The following CASZ1 variants were observed in gnomAD, a reference collection of about 807,000 sequenced individuals.
The protein encoded by CASZ1 is zinc finger protein castor homolog 1.
Under a neutral mutation model 135.2 loss-of-function variants are expected in CASZ1, and 28 were observed. The ratio of observed to expected loss-of-function variants is 0.21; its 90% CI spans 0.15 to 0.28. The LOEUF (loss-of-function observed/expected upper bound fraction) is 0.28, where lower values mean the gene tolerates loss of function less well. Ranked by LOEUF, CASZ1 falls within the 10% of genes least tolerant of loss-of-function variation. The probability of loss-of-function intolerance (pLI) is 1.00; values close to 1 mark genes in which losing one functional copy is unlikely to be tolerated. For missense variants in CASZ1, 2,161 were observed against 2,453.3 expected, an observed-to-expected ratio of 0.88 and a Z score of 2.52; for synonymous variants, 1,068 against 1,073.4, an observed-to-expected ratio of 0.99 and a Z score of 0.10.
Position 10,658,488 on chromosome 1 carries a change from G to C in CASZ1, c.1409+20C>G. On this transcript the variant is annotated intron_variant, in intron 7 of 20. Coordinates refer to ENST00000377022, the MANE Select transcript of CASZ1 (RefSeq NM_001079843.3). ...GCCCCCCACCTTCTCTCCACGGCAG[G>C]CTCCTCCCCAGGGGCCTACCTGGCA... 1 of 1,606,466 alleles carries C rather than the reference G, an allele frequency of 6.2e-7. No homozygotes were observed. Among genetic ancestry groups the C allele is most frequent in the Non-Finnish European group, 8.5e-7 (1 of 1,173,502 alleles).
intron 2 of CASZ1, among the ~76,000 whole-genome samples, chr1:10,742,127 A>G (rs1217515509): frequency 6.6e-6 from 1 of 152,168 alleles, no homozygotes; most frequent in African/African-American, 2.4e-5. Context: ...CCAAACAGAC[A>G]GAAGCATTGA....
In CASZ1 at chr1:10,642,923, A is replaced by C; in HGVS notation, c.4098T>G (p.Ser1366=). ...AGCTCCGGTCCATGGTGGATGACTC[A>C]GAGGACATGGCGCCTGGGCTGCAGC... ...YTGCSPGAMS[S]ESSTMDRSCS... The change falls in exon 20 of 21, where the codon TCT becomes TCG. Residue 1366 remains serine, a synonymous_variant. Transcript: ENST00000377022. 1 of 1,613,050 alleles carries C rather than the reference A, an allele frequency of 6.2e-7. No individual in the cohort carries two copies. Among genetic ancestry groups the C allele is most frequent in the Non-Finnish European group, 8.5e-7 (1 of 1,179,986 alleles).
At chr1:10,661,598 C>T (rs569279875) in intron 5 of CASZ1, among the ~76,000 whole-genome samples, 6 of 145,780 alleles carry the variant, frequency 4.1e-5, no homozygotes, top group East Asian at 4.1e-4. Flanking sequence ...ACACCCAACA[C>T]GGTCACATTC....
intron 4 of CASZ1, among the ~76,000 whole-genome samples, chr1:10,689,436 G>A (rs1033716068): frequency 2.0e-5 from 3 of 152,198 alleles, no homozygotes; most frequent in Admixed American, 6.5e-5. Flanking sequence ...CAGTAGTACC[G>A]ACAAGGCCAG....
chr1:10,734,022 C>A (rs1330754842), intron 2 of CASZ1, among the ~76,000 whole-genome samples: 1 of 152,204 alleles, frequency 6.6e-6, no homozygotes, highest in Non-Finnish European at 1.5e-5. Context: ...CTGGCCAGGC[C>A]CCCAGGCCGA....
chr1:10,729,400 A>G (rs1464543479), intron 2 of CASZ1, among the ~76,000 whole-genome samples: 1 of 136,516 alleles, frequency 7.3e-6, no homozygotes, highest in African/African-American at 2.7e-5. Flanking sequence ...CGGCCACCCC[A>G]TGAGAACTCC....
Position 10,660,332 on chromosome 1 carries a change from G to T in CASZ1, c.710C>A (p.Ser237Tyr), listed in dbSNP as rs763895104. Residue 237 changes from serine to tyrosine, a missense_variant, in exon 6 of 21, where the codon TCT (serine) becomes TAT (tyrosine). Physicochemically the swap from Ser to Tyr is moderately radical, Grantham distance 144. Around this residue, in one of 7 missense-constraint regions of CASZ1, gnomAD observed 590 missense variants for 609.8 expected, o/e 0.97. Coordinates refer to ENST00000377022, the MANE Select transcript of CASZ1 (RefSeq NM_001079843.3). The stretch of plus-strand genomic sequence containing the variant: ...CTTGCGGATGTACTCCTCATACTTA[G>T]AGAACCGCGCCCGCTTGCTGAGGGT... ...EDTLSKRARFSKYEEYIRKLK... is the reference protein window; with the variant it reads ...EDTLSKRARFYKYEEYIRKLK... 5.1e-5 allele frequency: 83 copies of T among 1,614,040 alleles called. No individual in the cohort carries two copies. Among genetic ancestry groups the T allele is most frequent in the Non-Finnish European group, 6.9e-5 (81 of 1,180,040 alleles).
At chr1:10,763,085 G>A (rs1640409337) in intron 1 of CASZ1, among the ~76,000 whole-genome samples, 1 of 152,212 alleles carries the variant, frequency 6.6e-6, no homozygotes, top group African/African-American at 2.4e-5. Flanking sequence ...CTTGCTCCAG[G>A]ATTGTCCCCA....
chr1:10,654,434 G>A lies in CASZ1; in HGVS notation c.1823C>T (p.Thr608Met). The change falls in exon 10 of 21, where the codon ACG (threonine) becomes ATG (methionine). Residue 608 changes from threonine (T) to methionine (M), a missense_variant. This residue lies in a region of CASZ1 where 248 missense variants were observed against 410.8 expected (regional missense o/e 0.60). Coordinates refer to ENST00000377022, the MANE Select transcript of CASZ1 (RefSeq NM_001079843.3). ...TCCCGCTTACCTGCAGTGGAAGTGC[G>A]TGGTCTTCTGTCCGTAGAACTGGCA... is the stretch of plus-strand genomic sequence containing the variant. Reference protein sequence around the residue: ...ADCQFYGQKTTHFHCRRPGCT... With the variant: ...ADCQFYGQKTMHFHCRRPGCT... The A allele has an allele frequency of 1.2e-6, 2 of 1,614,064 alleles. No homozygotes were observed. The highest frequency in any genetic ancestry group is 8.5e-7 in the Non-Finnish European group (1 of 1,179,978).
chr1:10,790,233 G>T (rs1055027120), intron 1 of CASZ1, among the ~76,000 whole-genome samples: 2 of 152,234 alleles, frequency 1.3e-5, no homozygotes, highest in Admixed American at 6.5e-5. Flanking sequence ...AACACGGGGT[G>T]CTGGCAATGA....
rs1640656081 is a variant in CASZ1, at chr1:10,776,010, C to A, written c.-233-15153G>T. ...TGTCAGGGCTCCCGCCTCCCAAGTC[C>A]CCATCAGTGGGGTCTGCTCGGTCCC... On this transcript the variant is annotated intron_variant, in intron 1 of 20. Coordinates refer to ENST00000377022, the MANE Select transcript of CASZ1 (RefSeq NM_001079843.3). This position sits in a 1 kb window ranked among gnomAD's most constrained non-coding sequence, Gnocchi z 4.1. Among the ~76,000 whole-genome samples, 2 of 152,202 alleles carry A rather than the reference C, an allele frequency of 1.3e-5. No individual in the cohort carries two copies. Among genetic ancestry groups the A allele is most frequent in the South Asian group, 4.1e-4 (2 of 4,820 alleles).
intron 1 of CASZ1, among the ~76,000 whole-genome samples, chr1:10,789,771 T>G (rs1314580647): frequency 6.6e-6 from 1 of 152,106 alleles, no homozygotes; most frequent in East Asian, 1.9e-4. Context: ...AAACTCCCCC[T>G]TCCCTTCACA....
rs942577452 is a variant in CASZ1, at chr1:10,699,925, G to C, written c.-24+5567C>G. On this transcript the variant is annotated intron_variant, in intron 3 of 20. Coordinates refer to ENST00000377022, the MANE Select transcript of CASZ1 (RefSeq NM_001079843.3). This position sits in a 1 kb window ranked among gnomAD's most constrained non-coding sequence, Gnocchi z 4.6. ...TGGAGTGTGAGAGAAGAGAGAGGTA[G>C]GTGGGAAGAAAAAGGTGAGAAGAAA... Among the ~76,000 whole-genome samples, 1 of 151,970 alleles carries C rather than the reference G, an allele frequency of 6.6e-6. No individual in the cohort carries two copies. The highest frequency in any genetic ancestry group is 1.5e-5 in the Non-Finnish European group (1 of 67,996).
intron 11 of CASZ1, chr1:10,651,402 C>A (rs573155694): frequency 1.2e-3 from 265 of 225,468 alleles, no homozygotes; most frequent in African/African-American, 5.6e-3. Context: ...GGGGCTGCCG[C>A]TTAGGCTTTT....
rs1638950732 is a variant in CASZ1 at position 10,697,126 on chromosome 1, GA to G, written c.-23-3215del. ...GGAGGAGCAGCGGTCAGAGAAGCAA[GA>G]AACAGGCCAACTCGGAGCGCAAGGA... is the stretch of plus-strand genomic sequence containing the variant. On this transcript the variant is annotated intron_variant, in intron 3 of 20. Transcript: ENST00000377022. This position sits in a 1 kb window ranked among gnomAD's most constrained non-coding sequence, Gnocchi z 4.7. 1.3e-5 allele frequency among the ~76,000 whole-genome samples: 2 copies of G among 152,370 alleles called. No homozygotes were observed. Among genetic ancestry groups the G allele is most frequent in the Admixed American group, 1.3e-4 (2 of 15,308 alleles).
Position 10,654,145 on chromosome 1 carries a change from C to A in CASZ1, c.1912G>T (p.Asp638Tyr). ...TTGAAGCCGTCCTTGGCGTAGGCAT[C>A]GTCCTTGATGTGGTAGCTCTTGTGC... ...EKHKSYHIKD[D>Y]AYAKDGFKKF... Residue 638 changes from aspartate (D) to tyrosine (Y), a missense_variant, in exon 11 of 21, where the codon GAT becomes TAT. Asp to Tyr is a radical substitution (Grantham distance 160). Transcript: ENST00000377022. The A allele has an allele frequency of 6.2e-7, 1 of 1,614,230 alleles. No homozygotes were observed. Among genetic ancestry groups the A allele is most frequent in the Non-Finnish European group, 8.5e-7 (1 of 1,180,042 alleles).
chr1:10,794,472 AG>A lies in CASZ1; in HGVS notation c.-234+2091del, dbSNP rs1167664850. Among the ~76,000 whole-genome samples, 1 of 144,100 alleles carries A rather than the reference AG, an allele frequency of 6.9e-6. No homozygotes were observed. The highest frequency in any genetic ancestry group is 2.7e-5 in the African/African-American group (1 of 37,110). 94.5% of individuals were successfully genotyped at this position (144,100 alleles called of 152,430 possible). ...ACTCCGCCCCGTGGCCCAGTGATCCAGGTTTGGGGGAGCTCCATACTCAGGA... is the reference window on the plus strand; with the variant it reads ...ACTCCGCCCCGTGGCCCAGTGATCCAGTTTGGGGGAGCTCCATACTCAGGA... On this transcript the variant is annotated intron_variant, in intron 1 of 20. Coordinates refer to ENST00000377022, the MANE Select transcript of CASZ1 (RefSeq NM_001079843.3). The surrounding 1 kb of genome is among the most constrained non-coding windows in gnomAD (Gnocchi z 5.6).
At chr1:10,730,026 G>T (rs1212065895) in intron 2 of CASZ1, among the ~76,000 whole-genome samples, 1 of 152,146 alleles carries the variant, frequency 6.6e-6, no homozygotes. Flanking sequence ...TGTTGGCCAG[G>T]CTGGTCTCGA....
intron 5 of CASZ1, among the ~76,000 whole-genome samples, chr1:10,662,440 ACACT>A (rs1208308958): frequency 1.3e-5 from 2 of 151,862 alleles, no homozygotes; most frequent in African/African-American, 4.8e-5. Flanking sequence ...GCCTTATTAC[ACACT>A]CTCACCCGCA....
Sources: gnomAD v4.1 joint callset for allele counts (sites outside exome capture counted in the v4.1 genomes callset) on GRCh38, gnomAD v4.1.1 for gene constraint, gnomAD v4.1.1 regional missense constraint, Gnocchi (gnomAD v3.1) non-coding constraint, MANE v1.5 for transcripts, NCBI Gene and HGNC (gene_info 2026-07-23, HGNC 2026-07-21) for gene names.